The following MGST1 variants were observed in gnomAD, a reference collection of about 807,000 sequenced individuals.
MGST1 encodes the protein microsomal glutathione S-transferase 1, also known as glutathione S-transferase 12.
In MGST1, 5 loss-of-function variants were observed where a neutral mutation model predicts 8.9. The observed-to-expected ratio is 0.56, with a 90% CI of 0.29 to 1.19. MGST1 has a LOEUF of 1.19. MGST1 is among the 50% of genes most tolerant of loss of function. MGST1 has a pLI of 0.08. For synonymous variants in MGST1, 54 were observed against 67.8 expected (o/e 0.80, Z 1.00); for missense variants, 182 against 187.4 (o/e 0.97, Z 0.17).
At chr12:16,367,865 G>C (rs111926625), downstream of MGST1, among the ~76,000 whole-genome samples, 1 of 129,516 alleles carries the variant, frequency 7.7e-6, no homozygotes, top group African/African-American at 3.7e-5. Context: ...CCTCACCACT[G>C]TGGGTGCTTG....
chr12:16,426,727 G>A (rs111594748), intron 1 of MGST1, among the ~76,000 whole-genome samples: 1,727 of 152,066 alleles, frequency 0.011, 38 homozygotes, highest in African/African-American at 0.039. Context: ...CGAGGCGGGC[G>A]GATCACAAGG....
intron 4 of MGST1, among the ~76,000 whole-genome samples, chr12:16,588,216 TG>T (rs1943380689): frequency 6.6e-6 from 1 of 151,964 alleles, no homozygotes; most frequent in African/African-American, 2.4e-5. Context: ...ATTTTTAAAA[TG>T]TATAATAAAG....
At chr12:16,437,126 T>C (rs1291003773) in intron 1 of MGST1, among the ~76,000 whole-genome samples, 1 of 151,836 alleles carries the variant, frequency 6.6e-6, no homozygotes, top group African/African-American at 2.4e-5. Flanking sequence ...GAAGAGGAAC[T>C]CATATTAGTC....
chr12:16,488,255 C>T (rs574014943), intron 4 of MGST1, among the ~76,000 whole-genome samples: 140 of 152,028 alleles, frequency 9.2e-4, no homozygotes, highest in Non-Finnish European at 1.6e-3. Flanking sequence ...TACTCCAAGC[C>T]CCTGTTTAAA....
chr12:16,456,897 T>A (rs1941178134), intron 4 of MGST1, among the ~76,000 whole-genome samples: 1 of 151,876 alleles, frequency 6.6e-6, no homozygotes, highest in Non-Finnish European at 1.5e-5. Flanking sequence ...CTTCCTTAAT[T>A]TGAATGTTCA....
In MGST1 at chr12:16,481,808, AG is replaced by A. The variant is rs1425516743; in HGVS notation, n.482+98210del. On this transcript the variant is annotated intron_variant and non_coding_transcript_variant, in intron 4 of 4. Transcript: ENST00000538857. ...CATAGTTTCAGATAGAAAAGAATAC[AG>A]GGGGGTATGGGGGGTAACATTCAAG... Among the ~76,000 whole-genome samples, 3 of 151,858 alleles carry A rather than the reference AG, an allele frequency of 2.0e-5. No homozygotes were observed. The East Asian group carries it at 5.8e-4, about 29-fold the overall frequency.
At chr12:16,376,819 TATC>T (rs1335727025) in exon 4 of MGST1, 1 of 152,088 alleles carries the variant, frequency 6.6e-6, no homozygotes, top group African/African-American at 2.4e-5. Context: ...GATGATATAA[TATC>T]ATCTGTATAT....
chr12:16,402,447 T>A, intron 1 of MGST1: 1 of 1,600,238 alleles, frequency 6.2e-7, no homozygotes, highest in Non-Finnish European at 8.5e-7. Context: ...TCTCCTCGGG[T>A]TCTGAGAATC....
At chr12:16,409,066 G>T (rs532422360) in intron 1 of MGST1, among the ~76,000 whole-genome samples, 78 of 152,138 alleles carry the variant, frequency 5.1e-4, no homozygotes, top group African/African-American at 1.9e-3. Flanking sequence ...TGTTAAATCT[G>T]TTGGGGATCA....
intron 4 of MGST1, among the ~76,000 whole-genome samples, chr12:16,507,150 A>G (rs1350754702): frequency 6.6e-6 from 1 of 152,196 alleles, no homozygotes; most frequent in Non-Finnish European, 1.5e-5. Flanking sequence ...TATTCCCTAG[A>G]TAGAGAAAGA....
chr12:16,528,999 A>G (rs1026194014), intron 4 of MGST1, among the ~76,000 whole-genome samples: 1 of 149,798 alleles, frequency 6.7e-6, no homozygotes, highest in Non-Finnish European at 1.5e-5. Context: ...TTGATGATTC[A>G]GGGAGAGGAG....
chr12:16,587,216 A>G lies in MGST1; in HGVS notation n.483-2312A>G, dbSNP rs1469861879. On this transcript the variant is annotated intron_variant and non_coding_transcript_variant, in intron 4 of 4. Transcript: ENST00000538857. This position sits in a 1 kb window ranked among gnomAD's most constrained non-coding sequence, Gnocchi z 4.3. ...CTACACACACGAAAATGAAATGAAC[A>G]AAGTGATTCAGATTAAACAGCTCTG... 6.6e-6 allele frequency among the ~76,000 whole-genome samples: 1 copy of G among 152,192 alleles called. No homozygotes were observed. Among genetic ancestry groups the G allele is most frequent in the Non-Finnish European group, 1.5e-5 (1 of 68,028 alleles).
chr12:16,416,469 G>A (rs1940788898), intron 1 of MGST1, among the ~76,000 whole-genome samples: 1 of 152,114 alleles, frequency 6.6e-6, no homozygotes, highest in Admixed American at 6.5e-5. Context: ...ATTTCTCACA[G>A]CTCTGGAGGG....
intron 4 of MGST1, among the ~76,000 whole-genome samples, chr12:16,526,960 A>G (rs2137196182): frequency 6.6e-6 from 1 of 152,118 alleles, no homozygotes; most frequent in East Asian, 1.9e-4. Flanking sequence ...GAGCTGAATC[A>G]TGATCTACAA....
chr12:16,579,788 T>C (rs893837451), intron 4 of MGST1, among the ~76,000 whole-genome samples: 46 of 152,362 alleles, frequency 3.0e-4, no homozygotes, highest in Admixed American at 6.5e-5. Context: ...GTGAATGCGA[T>C]ACTTTACAGA....
At chr12:16,526,172 T>C (rs61915325) in intron 4 of MGST1, among the ~76,000 whole-genome samples, 209 of 150,554 alleles carry the variant, frequency 1.4e-3, no homozygotes, top group African/African-American at 5.1e-3. Context: ...GTCAATTTTG[T>C]CTTTTGTTGC....
rs1280268049 is a variant in MGST1, at chr12:16,537,283, T to C, written n.483-52245T>C. On this transcript the variant is annotated intron_variant and non_coding_transcript_variant, in intron 4 of 4. Coordinates refer to the MGST1 transcript ENST00000538857. This position sits in a 1 kb window ranked among gnomAD's most constrained non-coding sequence, Gnocchi z 4.6. ...ATCCAGGTCATGCTGATGCAAGAGG[T>C]AGGTTCCCATAGTCTTGGGCAACTC... Among the ~76,000 whole-genome samples, 1 of 152,322 alleles carries C rather than the reference T, an allele frequency of 6.6e-6. No homozygotes were observed. The highest frequency in any genetic ancestry group is 6.5e-5 in the Admixed American group (1 of 15,300).
At chr12:16,481,664 C>G (rs1941365411) in intron 4 of MGST1, among the ~76,000 whole-genome samples, 1 of 151,980 alleles carries the variant, frequency 6.6e-6, no homozygotes, top group African/African-American at 2.4e-5. Flanking sequence ...AATTAATAAT[C>G]TAGACGGTAG....
In MGST1 at chr12:16,363,381, G is replaced by T. The variant is rs530907798; in HGVS notation, c.222-414G>T. ...GTAGAGTAGCAGAAGCAAAGGAGGT[G>T]TCTTAAGAAAAATCAACACCAAAAG... On this transcript the variant is annotated intron_variant, in intron 3 of 3. Transcript: ENST00000396210. This position sits in a 1 kb window ranked among gnomAD's most constrained non-coding sequence, Gnocchi z 4.6. The T allele has an allele frequency of 6.6e-6, 1 of 152,454 alleles. No individual in the cohort carries two copies. Among genetic ancestry groups the T allele is most frequent in the African/African-American group, 2.4e-5 (1 of 41,452 alleles). 9.4% of individuals were successfully genotyped at this position (152,454 alleles called of 1,614,324 possible).
Sources: allele counts gnomAD v4.1 joint callset (sites outside exome capture counted in the v4.1 genomes callset), GRCh38; gene constraint gnomAD v4.1.1; non-coding constraint Gnocchi (gnomAD v3.1); transcripts MANE v1.5; gene names NCBI Gene and HGNC (gene_info 2026-07-23, HGNC 2026-07-21).